Variants in MTA3 observed in about 807,000 individuals in gnomAD.
MTA3 encodes the protein metastasis associated 1 family member 3.
Under a neutral mutation model 83.5 loss-of-function variants are expected in MTA3, and 34 were observed. The observed-to-expected ratio is 0.41, with a 90% confidence interval of 0.31 to 0.54. MTA3 has a LOEUF of 0.54. MTA3 is among the 20% of genes least tolerant of loss of function. The probability of loss-of-function intolerance (pLI) is 0.33; values close to 1 mark genes in which losing one functional copy is unlikely to be tolerated. For synonymous variants in MTA3, 303 were observed against 252.7 expected, an observed-to-expected ratio of 1.20 and a Z score of -1.89; for missense variants, 761 against 726.4, an observed-to-expected ratio of 1.05 and a Z score of -0.55.
upstream of MTA3, among the ~76,000 whole-genome samples, chr2:42,567,642 C>G (rs959269414): frequency 6.7e-6 from 1 of 150,102 alleles, no homozygotes; most frequent in Non-Finnish European, 1.5e-5. Context: ...TAAGATTCAA[C>G]GTTGTTTTTT....
At chr2:42,631,856 G>GT (rs1312401815) in intron 4 of MTA3, among the ~76,000 whole-genome samples, 2 of 151,386 alleles carry the variant, frequency 1.3e-5, no homozygotes, top group African/African-American at 4.9e-5. Flanking sequence ...TGCCTGCCTA[G>GT]TTTTTTTATT....
chr2:42,748,913 C>A (rs1384336512), intron 16 of MTA3, among the ~76,000 whole-genome samples: 2 of 152,216 alleles, frequency 1.3e-5, no homozygotes, highest in African/African-American at 4.8e-5. Flanking sequence ...TTAAGCCTCA[C>A]ATATTTCAAT....
rs762015789 is a variant in MTA3, at chr2:42,515,808, GTTTAT to G, written c.-141+20568_-141+20572del. 4.7e-3 allele frequency among the ~76,000 whole-genome samples: 694 copies of G among 147,500 alleles called. 4 individuals carry two copies. The highest frequency in any genetic ancestry group is 6.6e-3 in the Non-Finnish European group (438 of 66,762). ...AACCACCGTGCCCAGTCGTTTCAGT[GTTTAT>G]TTTATTTTATTTTGTTTTATTTTAT... On this transcript the variant is annotated intron_variant, in intron 2 of 17. Coordinates refer to the MTA3 transcript ENST00000405592.
intron 2 of MTA3, among the ~76,000 whole-genome samples, chr2:42,536,463 G>A (rs890329709): frequency 6.0e-5 from 9 of 149,870 alleles, no homozygotes; most frequent in Non-Finnish European, 8.9e-5. Context: ...CAACAAGATC[G>A]AAACTCCATC....
chr2:42,532,993 C>A, intron 2 of MTA3: 1 of 186,868 alleles, frequency 5.4e-6, no homozygotes, highest in Non-Finnish European at 1.1e-5. Flanking sequence ...TAGCAAGAAC[C>A]TTGCCCTTGT....
chr2:42,523,346 T>C (rs1292342590), intron 2 of MTA3, among the ~76,000 whole-genome samples: 3 of 152,096 alleles, frequency 2.0e-5, no homozygotes, highest in African/African-American at 7.2e-5. Flanking sequence ...TAAGTCCTCA[T>C]GATTGGCAAG....
intron 4 of MTA3, among the ~76,000 whole-genome samples, chr2:42,622,799 A>G (rs1184886136): frequency 6.6e-6 from 1 of 152,090 alleles, no homozygotes; most frequent in African/African-American, 2.4e-5. Flanking sequence ...GCCTCCATGT[A>G]AGAGAATCTT....
In MTA3 at chr2:42,748,201, T is replaced by TGTGTGTGTGTG. The variant is rs1553402307; in HGVS notation, c.1760-5173_1760-5172insGTGTGTGTGTG. On this transcript the variant is annotated intron_variant, in intron 16 of 16. Transcript: ENST00000405094. ...GTGCCATCACATCCAGCTAATGTGT[T>TGTGTGTGTGTG]TGTGTGTGTGTGTGTGTGTGTGTGT... Among the ~76,000 whole-genome samples the TGTGTGTGTGTG allele has an allele frequency of 3.4e-3, 468 of 137,710 alleles. 9 individuals carry two copies. The highest frequency in any genetic ancestry group is 0.015 in the Middle Eastern group (4 of 260). 90.3% of individuals were successfully genotyped at this position (137,710 alleles called of 152,430 possible).
upstream of MTA3, among the ~76,000 whole-genome samples, chr2:42,564,833 G>A (rs1558438477): frequency 6.6e-6 from 1 of 152,118 alleles, no homozygotes; most frequent in Admixed American, 6.6e-5. Context: ...CTGGAACACA[G>A]TGGTGTGATC....
chr2:42,679,785 C>G (rs144620441), intron 8 of MTA3, among the ~76,000 whole-genome samples: 1 of 151,802 alleles, frequency 6.6e-6, no homozygotes, highest in Non-Finnish European at 1.5e-5. Flanking sequence ...CACCATAGTT[C>G]CTCATCAGAC....
At chr2:42,600,027 T>G (rs894812501) in intron 3 of MTA3, among the ~76,000 whole-genome samples, 2 of 113,784 alleles carry the variant, frequency 1.8e-5, no homozygotes, top group Non-Finnish European at 3.5e-5. Context: ...AAACCCTGTC[T>G]GTACTAAAAA....
chr2:42,704,574 A>G (rs1464301026), intron 12 of MTA3, among the ~76,000 whole-genome samples: 1 of 152,188 alleles, frequency 6.6e-6, no homozygotes, highest in Non-Finnish European at 1.5e-5. Context: ...TGATTATTTC[A>G]TAGCAGTGTT....
intron 2 of MTA3, among the ~76,000 whole-genome samples, chr2:42,527,242 C>T (rs913293232): frequency 6.6e-6 from 1 of 152,024 alleles, no homozygotes; most frequent in African/African-American, 2.4e-5. Flanking sequence ...AATCAAGGCT[C>T]AGCTGTGTTG....
intron 14 of MTA3, chr2:42,709,418 C>T: frequency 1.6e-6 from 1 of 609,728 alleles, no homozygotes; most frequent in Non-Finnish European, 2.3e-6. Context: ...AGCACTTTTA[C>T]CTTTTAGGTA....
intron 16 of MTA3, among the ~76,000 whole-genome samples, chr2:42,735,662 C>G (rs2104571466): frequency 6.6e-6 from 1 of 152,140 alleles, no homozygotes; most frequent in East Asian, 1.9e-4. Context: ...ATTCTTTATT[C>G]TCTTGTCTCC....
chr2:42,524,125 A>G (rs1675556776), intron 2 of MTA3, among the ~76,000 whole-genome samples: 2 of 151,930 alleles, frequency 1.3e-5, no homozygotes, highest in African/African-American at 4.8e-5. Context: ...GCTGACCCTA[A>G]CAAAGGGAAC....
chr2:42,636,609 CTTCTTTCTCT>C (rs1687220340), intron 4 of MTA3, among the ~76,000 whole-genome samples: 1 of 150,054 alleles, frequency 6.7e-6, no homozygotes, highest in East Asian at 2.0e-4. Flanking sequence ...CTAATTTAAA[CTTCTTTCTCT>C]TTCTTTCTTT....
intron 3 of MTA3, among the ~76,000 whole-genome samples, chr2:42,604,415 C>T (rs1474662798): frequency 1.3e-5 from 2 of 152,160 alleles, no homozygotes; most frequent in Non-Finnish European, 2.9e-5. Flanking sequence ...TTGAAAAGCA[C>T]TGGAATGAAA....
chr2:42,638,229 A>T (rs1369956773), intron 4 of MTA3, among the ~76,000 whole-genome samples: 1 of 152,106 alleles, frequency 6.6e-6, no homozygotes, highest in Non-Finnish European at 1.5e-5. Context: ...GTAAGTGAAA[A>T]CTATTTTTAG....
Sources: gnomAD v4.1 joint callset for allele counts (sites outside exome capture counted in the v4.1 genomes callset) on GRCh38, gnomAD v4.1.1 for gene constraint, MANE v1.5 for transcripts, NCBI Gene and HGNC (gene_info 2026-07-23, HGNC 2026-07-21) for gene names.